The following KICS2 variants were observed in gnomAD, a reference collection of about 807,000 sequenced individuals.
KICS2 encodes the protein KICSTOR complex protein C12orf66.
Under a neutral mutation model 31.4 loss-of-function variants are expected in KICS2, and 13 were observed. That is an observed-to-expected ratio of 0.41 (90% CI 0.27 to 0.66). The LOEUF (loss-of-function observed/expected upper bound fraction) is 0.66. Ranked by LOEUF, KICS2 falls within the 30% of genes least tolerant of loss-of-function variation. The pLI, the probability that KICS2 is intolerant of heterozygous loss-of-function variation, is 0.28. For synonymous variants in KICS2, 209 were observed against 214.8 expected (o/e 0.97, Z 0.24); for missense variants, 455 against 545.4 (o/e 0.83, Z 1.65).
rs148801617 is a variant in KICS2 at position 64,211,603 on chromosome 12, G to A, written c.521+4075C>T. On this transcript the variant is annotated intron_variant, in intron 2 of 2. Transcript: ENST00000398055. ...CACTGCACTCCAGCCTGGGCAACAC[G>A]GCAAGACTCCGTCTTAAAGAAAAAA... is the stretch of plus-strand genomic sequence containing the variant. 6.3e-3 allele frequency among the ~76,000 whole-genome samples: 960 copies of A among 152,092 alleles called. 3 individuals are homozygous for A. The highest frequency in any genetic ancestry group is 0.018 in the African/African-American group (754 of 41,490).
At chr12:64,203,907 T>C (rs2037513292) in intron 2 of KICS2, among the ~76,000 whole-genome samples, 1 of 152,186 alleles carries the variant, frequency 6.6e-6, no homozygotes, top group South Asian at 2.1e-4. Context: ...AGTCTAATAA[T>C]ATACACAATC....
At chr12:64,201,517 A>C (rs1467465257) in intron 2 of KICS2, among the ~76,000 whole-genome samples, 23 of 127,632 alleles carry the variant, frequency 1.8e-4, no homozygotes, top group Non-Finnish European at 3.7e-4. Flanking sequence ...ATGACAAGTT[A>C]GTGGGTGCAG....
At chr12:64,221,756 T>C (rs1047136692) in intron 1 of KICS2, 3 of 585,040 alleles carry the variant, frequency 5.1e-6, no homozygotes. Flanking sequence ...GGGCAAACCC[T>C]TCGGTTTGGG....
In KICS2 at chr12:64,192,884, G is replaced by A. The variant is rs976205840; in HGVS notation, c.*958C>T. On this transcript the variant is annotated 3_prime_UTR_variant, in exon 3 of 3. Coordinates refer to ENST00000398055, the MANE Select transcript of KICS2 (RefSeq NM_152440.5). The stretch of plus-strand genomic sequence containing the variant: ...TCAACTATGAAGAGGTCTTTCAAGC[G>A]CACAGTTGATTTTTAGCAAGTACAG... The A allele has an allele frequency of 5.1e-6, 5 of 985,280 alleles. No homozygotes were observed. The highest frequency in any genetic ancestry group is 1.7e-5 in the African/African-American group (1 of 57,218). The allele number at this position is 985,280 out of a possible 1,614,324, so 61.0% of individuals were successfully genotyped here.
intron 1 of KICS2, among the ~76,000 whole-genome samples, chr12:64,219,697 T>G (rs2136709607): frequency 6.6e-6 from 1 of 152,356 alleles, no homozygotes; most frequent in South Asian, 2.1e-4. Flanking sequence ...GTAGCTTGAT[T>G]GTGGTGATTA....
chr12:64,221,877 T>C (rs2037686911), intron 1 of KICS2, 126 bp downstream of exon 1: 5 of 1,061,646 alleles, frequency 4.7e-6, no homozygotes, highest in Admixed American at 2.7e-5. Context: ...GGAGGAGATC[T>C]GGGAATGCCG....
chr12:64,221,754 C>T lies in KICS2; in HGVS notation c.235+249G>A. On this transcript the variant is annotated intron_variant, in intron 1 of 2. Coordinates refer to ENST00000398055, the MANE Select transcript of KICS2 (RefSeq NM_152440.5). Reference sequence around the variant, plus strand: ...CCATGCACGAGGCAAAAGGGCAAACCCTTCGGTTTGGGTCACAGCCCTGCA... The same window carrying T: ...CCATGCACGAGGCAAAAGGGCAAACTCTTCGGTTTGGGTCACAGCCCTGCA... 3 of 582,780 alleles carry T rather than the reference C, an allele frequency of 5.1e-6. No individual in the cohort carries two copies. The East Asian group carries it at 8.5e-5, about 17-fold the overall frequency. The allele number at this position is 582,780 out of a possible 1,614,324, so 36.1% of individuals were successfully genotyped here.
At chr12:64,195,327 G>A (rs2037423493) in intron 2 of KICS2, among the ~76,000 whole-genome samples, 2 of 152,180 alleles carry the variant, frequency 1.3e-5, no homozygotes, top group East Asian at 1.9e-4. Flanking sequence ...TAAAGAGGCA[G>A]AGGTAAAACA....
In KICS2 at chr12:64,193,009, T is replaced by C. The variant is rs762067188; in HGVS notation, c.*833A>G. 1.3e-5 allele frequency: 13 copies of C among 985,264 alleles called. No homozygotes were observed. In the African/African-American group the frequency reaches 2.1e-4, roughly 16 times the overall value. The allele number at this position is 985,264 out of a possible 1,614,324, so 61.0% of individuals were successfully genotyped here. A position where few individuals can be genotyped will look rare whatever the true frequency, so the allele number is the denominator to read the frequency against. On this transcript the variant is annotated 3_prime_UTR_variant, in exon 3 of 3. Coordinates refer to ENST00000398055, the MANE Select transcript of KICS2 (RefSeq NM_152440.5). ...GACTGCATGCTTTTAAGCCTAAAAA[T>C]AACCAAGGAGTAGAGCCAAACATGT...
chr12:64,201,618 AG>A (rs1286197043), intron 2 of KICS2, among the ~76,000 whole-genome samples: 30 of 102,898 alleles, frequency 2.9e-4, no homozygotes, highest in East Asian at 9.3e-4. Flanking sequence ...AAAAAAAAAA[AG>A]AAAAAAAAAA....
rs1417564685 is a variant in KICS2 at position 64,193,979 on chromosome 12, G to A, written c.1201C>T (p.His401Tyr). ...TCAAAAATGATGACAATGGTAAAGTGAGGTTCCGGGCGGGTTAGGAAGTAG... is the reference window on the plus strand; with the variant it reads ...TCAAAAATGATGACAATGGTAAAGTAAGGTTCCGGGCGGGTTAGGAAGTAG... ...STYFLTRPEP[H>Y]FTIVIIFESK... The change falls in exon 3 of 3, where the codon CAC becomes TAC. Residue 401 changes from histidine to tyrosine, a missense_variant. Transcript: ENST00000398055. 1 of 1,614,228 alleles carries A rather than the reference G, an allele frequency of 6.2e-7. No homozygotes were observed.
At chr12:64,217,318 G>A (rs990919190) in intron 1 of KICS2, among the ~76,000 whole-genome samples, 16 of 152,120 alleles carry the variant, frequency 1.1e-4, no homozygotes, top group Non-Finnish European at 2.1e-4. Flanking sequence ...TGACACCCCA[G>A]ACAAACTACT....
chr12:64,195,615 G>C (rs1168892804), intron 2 of KICS2, among the ~76,000 whole-genome samples: 1 of 152,304 alleles, frequency 6.6e-6, no homozygotes, highest in African/African-American at 2.4e-5. Flanking sequence ...GGCCGAATAG[G>C]AACAGCTCCG....
intron 1 of KICS2, among the ~76,000 whole-genome samples, chr12:64,216,605 C>T (rs2037631059): frequency 2.0e-5 from 3 of 152,096 alleles, no homozygotes; most frequent in Admixed American, 2.0e-4. Context: ...ACAAGGTTGA[C>T]ACTATATGTT....
At chr12:64,219,562 T>C (rs2037659926) in intron 1 of KICS2, among the ~76,000 whole-genome samples, 1 of 151,932 alleles carries the variant, frequency 6.6e-6, no homozygotes, top group Non-Finnish European at 1.5e-5. Context: ...ATAAGAGAGG[T>C]AAAAAAAGAC....
At chr12:64,207,173 A>G (rs1262589195) in intron 2 of KICS2, among the ~76,000 whole-genome samples, 1 of 151,674 alleles carries the variant, frequency 6.6e-6, no homozygotes, top group Non-Finnish European at 1.5e-5. Context: ...GTGTGGTGAT[A>G]TGCACCTGTA....
chr12:64,193,222 T>TTAAA lies in KICS2; in HGVS notation c.*619_*620insTTTA, dbSNP rs2037398321. The TTAAA allele has an allele frequency of 1.0e-6, 1 of 985,300 alleles. No homozygotes were observed. Among genetic ancestry groups the TTAAA allele is most frequent in the Non-Finnish European group, 1.2e-6 (1 of 829,818 alleles). 61.0% of individuals were successfully genotyped at this position (985,300 alleles called of 1,614,324 possible). ...GAACCCATGGCTATTAAAGCTGCCA[T>TTAAA]GAGGATCTTCTGAACTGTTAAAACC... On this transcript the variant is annotated 3_prime_UTR_variant, in exon 3 of 3. Transcript: ENST00000398055.
chr12:64,216,928 G>A lies in KICS2; in HGVS notation c.236-965C>T, dbSNP rs1021182742. On this transcript the variant is annotated intron_variant, in intron 1 of 2. Transcript: ENST00000398055. ...AGAAACAGGGCAGGTTTAAAACAGT[G>A]ATTTCTAGGAATATATAAAAAAACT... is the stretch of plus-strand genomic sequence containing the variant. 2.5e-5 allele frequency among the ~76,000 whole-genome samples: 3 copies of A among 120,576 alleles called. No homozygotes were observed. The Admixed American group carries it at 2.9e-4, about 11-fold the overall frequency. The allele number at this position is 120,576 out of a possible 152,430, so 79.1% of individuals were successfully genotyped here. A position where few individuals can be genotyped will look rare whatever the true frequency, so the allele number is the denominator to read the frequency against.
Position 64,193,563 on chromosome 12 carries a change from T to G in KICS2, c.*279A>C. 1 of 1,158,048 alleles carries G rather than the reference T, an allele frequency of 8.6e-7. No individual in the cohort carries two copies. Among genetic ancestry groups the G allele is most frequent in the Non-Finnish European group, 1.1e-6 (1 of 940,886 alleles). 71.7% of individuals were successfully genotyped at this position (1,158,048 alleles called of 1,614,324 possible). On this transcript the variant is annotated 3_prime_UTR_variant, in exon 3 of 3. Transcript: ENST00000398055. Reference sequence around the variant, plus strand: ...AAAAAAAAGCCCAATAAATATTCAATCTACAAGAAATATAGCAAAATAGGG... The same window carrying G: ...AAAAAAAAGCCCAATAAATATTCAAGCTACAAGAAATATAGCAAAATAGGG...
Sources: gnomAD v4.1 joint callset for allele counts (sites outside exome capture counted in the v4.1 genomes callset) on GRCh38, gnomAD v4.1.1 for gene constraint, MANE v1.5 for transcripts, NCBI Gene and HGNC (gene_info 2026-07-23, HGNC 2026-07-21) for gene names.